The following GEMIN5 variants were observed in gnomAD, a reference collection of about 807,000 sequenced individuals.
The protein encoded by GEMIN5 is gem-associated protein 5.
GEMIN5 carries 124 observed loss-of-function variants against 176.9 expected under a neutral mutation model. The observed-to-expected ratio is 0.70, with a 90% CI of 0.61 to 0.81. The LOEUF is 0.81. GEMIN5 is among the 40% of genes least tolerant of loss of function. GEMIN5 has a pLI of 0.00. For synonymous variants in GEMIN5, 673 were observed against 665.2 expected (o/e 1.01, Z -0.18); for missense variants, 1,843 against 1,814.6 (o/e 1.02, Z -0.28).
chr5:154,927,652 T>C (rs1423679132), intron 6 of GEMIN5, 102 bp from the exon 7 acceptor site: 3 of 859,752 alleles, frequency 3.5e-6, no homozygotes, highest in South Asian at 2.0e-5. Flanking sequence ...TGATTTGTTG[T>C]CGTTTAAGGA....
At chr5:154,896,905 T>G (rs1429453140) in intron 23 of GEMIN5, among the ~76,000 whole-genome samples, 1 of 152,234 alleles carries the variant, frequency 6.6e-6, no homozygotes, top group African/African-American at 2.4e-5. Flanking sequence ...TTAGTTGCCA[T>G]GAGATTCCTT....
At chr5:154,899,975 TTGGG>T (rs1763431995) in intron 21 of GEMIN5, among the ~76,000 whole-genome samples, 1 of 151,916 alleles carries the variant, frequency 6.6e-6, no homozygotes, top group Non-Finnish European at 1.5e-5. Context: ...TTATTCAGTG[TTGGG>T]TATTTGGCAG....
chr5:154,915,465 G>A (rs1481570091), intron 13 of GEMIN5, among the ~76,000 whole-genome samples: 2 of 152,078 alleles, frequency 1.3e-5, no homozygotes, highest in Non-Finnish European at 2.9e-5. Context: ...GGTGCCGAAG[G>A]GGCCTCAGTG....
At position 154,917,023 on chromosome 5, in the gene GEMIN5, G is replaced by A. The variant is rs138715829; in HGVS notation, c.1830C>T (p.Tyr610=). Residue 610 remains tyrosine (Y), a synonymous_variant, in exon 13 of 28, where the codon TAC becomes TAT. Transcript: ENST00000285873. ...CTATGACAGTCTTCAGGTTGTGCAC[G>A]TAAATGACTGCATTGTTGGAGCCAG... ...MASGSNNAVI[Y]VHNLKTVIES... 102 of 1,593,874 alleles carry A rather than the reference G, an allele frequency of 6.4e-5. 1 individual carries two copies. The South Asian group carries it at 6.9e-4, about 11-fold the overall frequency.
Position 154,924,559 on chromosome 5 carries a change from A to C in GEMIN5, c.1294-5T>G. The C allele has an allele frequency of 6.4e-7, 1 of 1,561,456 alleles. No homozygotes were observed. The highest frequency in any genetic ancestry group is 8.8e-7 in the Non-Finnish European group (1 of 1,137,794). Reference sequence around the variant, plus strand: ...CTTGGTTGGGTGCCAGCACAGCTACAAAAAAAAGAGTTTCCAAGTGAGAAT... The same window carrying C: ...CTTGGTTGGGTGCCAGCACAGCTACCAAAAAAAGAGTTTCCAAGTGAGAAT... On this transcript the variant is annotated splice_polypyrimidine_tract_variant and splice_region_variant and intron_variant, in intron 8 of 27. Transcript: ENST00000285873.
chr5:154,913,255 T>C (rs1255434209), intron 13 of GEMIN5, among the ~76,000 whole-genome samples: 2 of 152,042 alleles, frequency 1.3e-5, no homozygotes, highest in African/African-American at 2.4e-5. Flanking sequence ...AACCTCCGCC[T>C]CCTGGGTTCA....
rs751044789 is a variant in GEMIN5, at chr5:154,937,021, G to A, written c.327+4C>T. The stretch of plus-strand genomic sequence containing the variant: ...CGGTTTGAGAAACCAGTAAGCCATG[G>A]TACCTGATGGAGTGCATGTTCTGTC... On this transcript the variant is annotated splice_donor_region_variant and intron_variant, in intron 2 of 27. Coordinates refer to ENST00000285873, the MANE Select transcript of GEMIN5 (RefSeq NM_015465.5). 18 of 1,609,878 alleles carry A rather than the reference G, an allele frequency of 1.1e-5. No individual in the cohort carries two copies. Among genetic ancestry groups the A allele is most frequent in the Non-Finnish European group, 1.5e-5 (18 of 1,177,046 alleles).
In GEMIN5 at chr5:154,911,827, T is replaced by C. The variant is rs753622872; in HGVS notation, c.2067A>G (p.Ala689=). 6.8e-6 allele frequency: 11 copies of C among 1,613,978 alleles called. No homozygotes were observed. In the Middle Eastern group the frequency reaches 5.0e-4, roughly 73 times the overall value. ...RGHRGRLLCV[A]WSPLDPDCIY... The stretch of plus-strand genomic sequence containing the variant: ...TGCAGTCTGGATCCAAAGGAGACCA[T>C]GCCACACAAAGCAGTCGACCTCGAT... Residue 689 remains alanine, a synonymous_variant, in exon 15 of 28, where the codon GCA becomes GCG. Transcript: ENST00000285873.
chr5:154,896,221 G>A lies in GEMIN5; in HGVS notation c.3468C>T (p.Phe1156=), dbSNP rs1351090100. ...TCCACACTGCAGTCACCCTCTCCAC[G>A]AAAGGCCCTTCGGTGCCCGTGTTCC... ...HTWNTGTEGP[F]VERVTAVWKS... The change falls in exon 24 of 28, where the codon TTC becomes TTT. Residue 1156 remains phenylalanine (F), a synonymous_variant. Coordinates refer to ENST00000285873, the MANE Select transcript of GEMIN5 (RefSeq NM_015465.5). The A allele has an allele frequency of 3.7e-6, 6 of 1,613,820 alleles. No individual in the cohort carries two copies. Among genetic ancestry groups the A allele is most frequent in the East Asian group, 4.5e-5 (2 of 44,830 alleles).
rs372348718 is a variant in GEMIN5 at position 154,905,297 on chromosome 5, G to T, written c.2509+66C>A. 47 of 689,272 alleles carry T rather than the reference G, an allele frequency of 6.8e-5. No homozygotes were observed. In the East Asian group the frequency reaches 1.3e-3, roughly 19 times the overall value. The allele number at this position is 689,272 out of a possible 1,614,324, so 42.7% of individuals were successfully genotyped here. The stretch of plus-strand genomic sequence containing the variant: ...AACCACACTGTTTTTTGACAGTTGC[G>T]TGTAATATATGTAATATTTTAGGCT... On this transcript the variant is annotated intron_variant, in intron 17 of 27. Transcript: ENST00000285873.
chr5:154,918,087 A>C (rs1054394673), intron 11 of GEMIN5, 83 bp from the exon 12 acceptor site: 6 of 841,656 alleles, frequency 7.1e-6, no homozygotes, highest in African/African-American at 1.7e-5. Context: ...AAATCCCTAG[A>C]GTTTAAAAAC....
intron 11 of GEMIN5, among the ~76,000 whole-genome samples, chr5:154,918,354 G>A (rs1226652411): frequency 6.6e-6 from 1 of 152,114 alleles, no homozygotes; most frequent in Non-Finnish European, 1.5e-5. Flanking sequence ...CACTCTCCTT[G>A]TTTTCTATCC....
At chr5:154,909,680 T>C (rs1434907420) in intron 15 of GEMIN5, among the ~76,000 whole-genome samples, 3 of 152,134 alleles carry the variant, frequency 2.0e-5, no homozygotes, top group African/African-American at 7.2e-5. Context: ...GTTTTGCCTG[T>C]TGAAGAATTT....
chr5:154,899,337 C>T, intron 21 of GEMIN5, 27 bp from the exon 22 acceptor site: 1 of 1,583,424 alleles, frequency 6.3e-7, no homozygotes, highest in Non-Finnish European at 8.6e-7. Context: ...ACCCTTTAGC[C>T]AATCTGAAAA....
chr5:154,889,923 A>G (rs951481504), intron 26 of GEMIN5, among the ~76,000 whole-genome samples: 2 of 152,236 alleles, frequency 1.3e-5, no homozygotes, highest in African/African-American at 4.8e-5. Flanking sequence ...TAATGCTGCC[A>G]TGAACACAGG....
intron 15 of GEMIN5, among the ~76,000 whole-genome samples, chr5:154,911,457 G>A (rs1763697574): frequency 6.6e-6 from 1 of 152,150 alleles, no homozygotes; most frequent in Admixed American, 6.5e-5. Flanking sequence ...AGGCTGCAGC[G>A]AGCCAAGATC....
intron 21 of GEMIN5, among the ~76,000 whole-genome samples, chr5:154,900,345 AG>A: frequency 6.6e-6 from 1 of 152,362 alleles, no homozygotes; most frequent in East Asian, 1.9e-4. Flanking sequence ...TGATCTAGAG[AG>A]AGCAATATTT....
At chr5:154,909,097 T>C (rs559065376) in intron 15 of GEMIN5, among the ~76,000 whole-genome samples, 3 of 151,610 alleles carry the variant, frequency 2.0e-5, no homozygotes, top group African/African-American at 7.3e-5. Flanking sequence ...TAGCTGGGAC[T>C]ACAGGTGTGC....
At chr5:154,904,460 C>G (rs1253363232) in intron 18 of GEMIN5, 47 bp downstream of exon 18, 4 of 1,553,868 alleles carry the variant, frequency 2.6e-6, no homozygotes, top group Non-Finnish European at 3.5e-6. Flanking sequence ...CCCTTATATA[C>G]CAGTCCCGGA....
Sources: allele counts gnomAD v4.1 joint callset (sites outside exome capture counted in the v4.1 genomes callset), GRCh38; gene constraint gnomAD v4.1.1; transcripts MANE v1.5; gene names NCBI Gene and HGNC (gene_info 2026-07-23, HGNC 2026-07-21).